The following CCDC27 variants were observed in gnomAD, a reference collection of about 807,000 sequenced individuals.
The protein encoded by CCDC27 is coiled-coil domain-containing protein 27.
In CCDC27, 80 loss-of-function variants were observed where a neutral mutation model predicts 80.3. The observed-to-expected ratio is 1.00, with a 90% CI of 0.83 to 1.20. The LOEUF is 1.20. CCDC27 is among the 50% of genes most tolerant of loss of function. The pLI is 0.00. For missense variants in CCDC27, 815 were observed against 809.4 expected (o/e 1.01, Z -0.08); for synonymous variants, 342 against 334.3 (o/e 1.02, Z -0.25).
At chr1:3,767,529 A>T in intron 10 of CCDC27, 84 bp downstream of exon 10, 1 of 1,271,184 alleles carries the variant, frequency 7.9e-7, no homozygotes, top group Non-Finnish European at 1.1e-6. Flanking sequence ...CCACCGAGGT[A>T]GAACCGGGGT....
Position 3,756,894 on chromosome 1 carries a change from C to G in CCDC27, c.711+4C>G. 1 of 1,610,094 alleles carries G rather than the reference C, an allele frequency of 6.2e-7. No individual in the cohort carries two copies. The highest frequency in any genetic ancestry group is 8.5e-7 in the Non-Finnish European group (1 of 1,178,126). On this transcript the variant is annotated splice_donor_region_variant and intron_variant, in intron 4 of 11. Transcript: ENST00000294600. ...CCTCTCAGTCATCCACGAGAAGGTA[C>G]TGGCGGAGGGGGTGCAAATCCCGGC...
At position 3,760,227 on chromosome 1, in the gene CCDC27, C is replaced by G. The variant is rs561035995; in HGVS notation, c.712-1054C>G. 2.0e-5 allele frequency among the ~76,000 whole-genome samples: 3 copies of G among 152,168 alleles called. No individual in the cohort carries two copies. The South Asian group carries it at 6.2e-4, about 32-fold the overall frequency. On this transcript the variant is annotated intron_variant, in intron 4 of 11. Transcript: ENST00000294600. The surrounding 1 kb of genome is among the most constrained non-coding windows in gnomAD (Gnocchi z 4.3). ...TTTTTTTCCCTTTAACTTTGTATTT[C>G]AGGCATAAAGTGGTAAGAATCCATA...
At chr1:3,770,801 G>A (rs1217152069) in intron 11 of CCDC27, among the ~76,000 whole-genome samples, 3 of 141,870 alleles carry the variant, frequency 2.1e-5, no homozygotes, top group African/African-American at 8.4e-5. Context: ...TCTGGGGGAG[G>A]GGAGGAGGAA....
At chr1:3,762,208 G>A (rs1643103469) in intron 5 of CCDC27, among the ~76,000 whole-genome samples, 1 of 152,168 alleles carries the variant, frequency 6.6e-6, no homozygotes, top group Admixed American at 6.5e-5. Context: ...ATGCCTCAAG[G>A]GAAGGCTGCC....
Position 3,769,868 on chromosome 1 carries a change from A to C in CCDC27, c.1829A>C (p.Asp610Ala). 1.2e-6 allele frequency: 2 copies of C among 1,613,766 alleles called. No homozygotes were observed. The highest frequency in any genetic ancestry group is 1.6e-4 in the Middle Eastern group (1 of 6,062). ...TTGGCCAACGAGATCTCTGACAATGACATCCTGGAAGCCCTGCAGGTATAC... is the reference window on the plus strand; with the variant it reads ...TTGGCCAACGAGATCTCTGACAATGCCATCCTGGAAGCCCTGCAGGTATAC... ...KSLANEISDN[D>A]ILEALQRIIS... Residue 610 changes from aspartate (D) to alanine (A), a missense_variant, in exon 11 of 12, where the codon GAC (aspartate) becomes GCC (alanine). Physicochemically the swap from Asp to Ala is moderately radical, Grantham distance 126. Coordinates refer to ENST00000294600, the MANE Select transcript of CCDC27 (RefSeq NM_152492.3). The surrounding 1 kb of genome is among the most constrained non-coding windows in gnomAD (Gnocchi z 4.6).
At chr1:3,758,188 TTA>T (rs1643005257) in intron 4 of CCDC27, among the ~76,000 whole-genome samples, 1 of 152,164 alleles carries the variant, frequency 6.6e-6, no homozygotes, top group Admixed American at 6.5e-5. Context: ...ATTTTATTAA[TTA>T]ATTTATTTAT....
chr1:3,755,428 C>A, intron 2 of CCDC27, 29 bp from the exon 3 acceptor site: 1 of 1,576,956 alleles, frequency 6.3e-7, no homozygotes, highest in South Asian at 1.1e-5. Flanking sequence ...CCGCAGCAGT[C>A]ACCAGATGGC....
rs201095092 is a variant in CCDC27, at chr1:3,765,414, G to GT, written c.1453-1114dup. 1.4e-4 allele frequency among the ~76,000 whole-genome samples: 21 copies of GT among 152,180 alleles called. No individual in the cohort carries two copies. The East Asian group carries it at 3.7e-3, about 27-fold the overall frequency. On this transcript the variant is annotated intron_variant, in intron 8 of 11. Transcript: ENST00000294600. ...TTCTGGAATTTTCTTTGGTTTTATTGTTTTTTTATGGCCTTCTCTCACACT... is the reference window on the plus strand; with the variant it reads ...TTCTGGAATTTTCTTTGGTTTTATTGTTTTTTTTATGGCCTTCTCTCACACT...
Position 3,757,415 on chromosome 1 carries a change from CT to C in CCDC27, c.711+532del, listed in dbSNP as rs575785541. Among the ~76,000 whole-genome samples, 612 of 151,790 alleles carry C rather than the reference CT, an allele frequency of 4.0e-3. 3 individuals carry two copies. Among genetic ancestry groups the C allele is most frequent in the Non-Finnish European group, 7.0e-3 (473 of 67,902 alleles). ...TTCCTTTTTTCTTTTTATTTATTTT[CT>C]TTTTTTATTTTATTATTATTATTAG... On this transcript the variant is annotated intron_variant, in intron 4 of 11. Coordinates refer to ENST00000294600, the MANE Select transcript of CCDC27 (RefSeq NM_152492.3).
rs201179093 is a variant in CCDC27, at chr1:3,763,150, G to A, written c.997G>A (p.Asp333Asn). 1.5e-5 allele frequency: 23 copies of A among 1,489,424 alleles called. No homozygotes were observed. In the Admixed American group the frequency reaches 1.7e-4, roughly 11 times the overall value. The allele number at this position is 1,489,424 out of a possible 1,614,324, so 92.3% of individuals were successfully genotyped here. A position where few individuals can be genotyped will look rare whatever the true frequency, so the allele number is the denominator to read the frequency against. ...GGCACCGGAGAGGGGCAAGGAGCCC[G>A]ACCTGGGAGGTGGCGAGGAGGACGA... is the stretch of plus-strand genomic sequence containing the variant. ...SAAPERGKEP[D>N]LGGGEEDEGL... is the part of the protein sequence containing the mutation. Residue 333 changes from aspartate to asparagine, a missense_variant, in exon 7 of 12, where the codon GAC becomes AAC. By Grantham distance (23) the Asp-to-Asn change is conservative (BLOSUM62 1). Transcript: ENST00000294600. The surrounding 1 kb of genome is among the most constrained non-coding windows in gnomAD (Gnocchi z 7.5).
rs1362590182 is a variant in CCDC27, at chr1:3,762,736, C to T, written c.954+24C>T. ...AGGTGCGGGCCGCCTGGAGAGCAGGCACGCAGTGGGGGACCCGGGCCCAGG... is the reference window on the plus strand; with the variant it reads ...AGGTGCGGGCCGCCTGGAGAGCAGGTACGCAGTGGGGGACCCGGGCCCAGG... On this transcript the variant is annotated intron_variant, in intron 6 of 11. Coordinates refer to ENST00000294600, the MANE Select transcript of CCDC27 (RefSeq NM_152492.3). 7.8e-6 allele frequency: 12 copies of T among 1,544,092 alleles called. No individual in the cohort carries two copies. The African/African-American group carries it at 9.6e-5, about 12-fold the overall frequency.
chr1:3,753,015 C>T (rs1214186559), intron 1 of CCDC27, among the ~76,000 whole-genome samples: 1 of 152,200 alleles, frequency 6.6e-6, no homozygotes. Flanking sequence ...GTGCCTTAGT[C>T]CCCACATGCC....
chr1:3,755,682 T>A (rs562932128), intron 3 of CCDC27, 115 bp downstream of exon 3: 61 of 862,610 alleles, frequency 7.1e-5, no homozygotes, highest in Admixed American at 1.6e-4. Flanking sequence ...ACTGTCTGCC[T>A]CCTGAGGACT....
In CCDC27 at chr1:3,766,721, G is replaced by A. The variant is rs1339517613; in HGVS notation, c.1530+109G>A. ...TGGAGCGTCTTCACAGCTGAGCCAG[G>A]ACCCCTTCGGTAGCATGCCACTCGA... On this transcript the variant is annotated intron_variant, in intron 9 of 11. Transcript: ENST00000294600. This position sits in a 1 kb window ranked among gnomAD's most constrained non-coding sequence, Gnocchi z 6.1. The A allele has an allele frequency of 6.2e-6, 5 of 806,932 alleles. No homozygotes were observed. Among genetic ancestry groups the A allele is most frequent in the Non-Finnish European group, 8.0e-6 (4 of 498,156 alleles). The allele number at this position is 806,932 out of a possible 1,614,324, so 50.0% of individuals were successfully genotyped here. A position where few individuals can be genotyped will look rare whatever the true frequency, so the allele number is the denominator to read the frequency against.
chr1:3,754,761 G>C (rs1173490888), intron 2 of CCDC27, among the ~76,000 whole-genome samples: 1 of 149,190 alleles, frequency 6.7e-6, no homozygotes, highest in Non-Finnish European at 1.5e-5. Flanking sequence ...CCTGGACCTG[G>C]ACTGGTTCCA....
rs201415436 is a variant in CCDC27, at chr1:3,769,809, C to G, written c.1770C>G (p.Ile590Met). ...SRLERLRNKI[I>M]QATFSISGTK... is the part of the protein sequence containing the mutation. Reference sequence around the variant, plus strand: ...TCGAGAGGTTAAGGAATAAGATCATCCAGGCCACCTTTAGCATCTCCGGGA... The same window carrying G: ...TCGAGAGGTTAAGGAATAAGATCATGCAGGCCACCTTTAGCATCTCCGGGA... The change falls in exon 11 of 12, where the codon ATC (isoleucine) becomes ATG (methionine). Residue 590 changes from isoleucine to methionine, a missense_variant. Physicochemically the swap from Ile to Met is conservative, Grantham distance 10. Transcript: ENST00000294600. This position sits in a 1 kb window ranked among gnomAD's most constrained non-coding sequence, Gnocchi z 4.6. 6.2e-6 allele frequency: 10 copies of G among 1,614,024 alleles called. No homozygotes were observed. Among genetic ancestry groups the G allele is most frequent in the African/African-American group, 1.3e-5 (1 of 75,016 alleles).
In CCDC27 at chr1:3,769,201, C is replaced by T. The variant is rs941949272; in HGVS notation, c.1744-582C>T. ...GCACGATTAGCTACCTCTGGGGAGG[C>T]GGCTGCGGGTGTACAGGCAGACAAG... On this transcript the variant is annotated intron_variant, in intron 10 of 11. Transcript: ENST00000294600. The surrounding 1 kb of genome is among the most constrained non-coding windows in gnomAD (Gnocchi z 4.6). Among the ~76,000 whole-genome samples, 10 of 152,098 alleles carry T rather than the reference C, an allele frequency of 6.6e-5. No homozygotes were observed. The highest frequency in any genetic ancestry group is 1.3e-4 in the Non-Finnish European group (9 of 68,008).
chr1:3,759,244 A>G (rs1643032414), intron 4 of CCDC27, among the ~76,000 whole-genome samples: 2 of 151,986 alleles, frequency 1.3e-5, no homozygotes, highest in Non-Finnish European at 2.9e-5. Flanking sequence ...AAATTCAATT[A>G]TTTAAAAATA....
At chr1:3,753,492 A>ATTTG (rs888662917) in intron 1 of CCDC27, among the ~76,000 whole-genome samples, 4 of 151,190 alleles carry the variant, frequency 2.6e-5, no homozygotes, top group African/African-American at 7.3e-5. Context: ...GGCTAATTTT[A>ATTTG]TTTGTTTGTT....
Sources: gnomAD v4.1 joint callset for allele counts (sites outside exome capture counted in the v4.1 genomes callset) on GRCh38, gnomAD v4.1.1 for gene constraint, Gnocchi (gnomAD v3.1) non-coding constraint, MANE v1.5 for transcripts, NCBI Gene and HGNC (gene_info 2026-07-23, HGNC 2026-07-21) for gene names.